The following NARS1 variants were observed in gnomAD, a reference collection of about 807,000 sequenced individuals.
NARS1 encodes asparaginyl-tRNA synthetase 1.
Under a neutral mutation model 79.2 loss-of-function variants are expected in NARS1, and 65 were observed. The observed-to-expected ratio is 0.82, with a 90% CI of 0.67 to 1.01. The LOEUF is 1.01. Among genes scored for constraint, NARS1 ranks in the 50% least tolerant of loss-of-function variants. The pLI is 0.00. For missense variants in NARS1, 649 were observed against 673.8 expected, an observed-to-expected ratio of 0.96 and a Z score of 0.41; for synonymous variants, 229 against 238.8, an observed-to-expected ratio of 0.96 and a Z score of 0.38.
intron 11 of NARS1, 110 bp downstream of exon 11, chr18:57,605,747 C>A: frequency 1.4e-6 from 1 of 713,614 alleles, no homozygotes; most frequent in Non-Finnish European, 2.4e-6. Flanking sequence ...CTGCTGTTAC[C>A]ATTTATTTGA....
At chr18:57,617,572 C>CA (rs59412339) in intron 2 of NARS1, among the ~76,000 whole-genome samples, 29 of 66,574 alleles carry the variant, frequency 4.4e-4, no homozygotes, top group African/African-American at 1.2e-3. Flanking sequence ...GACTCCGTCT[C>CA]AAAAAAAAAA....
At chr18:57,616,675 C>T (rs942392304) in intron 2 of NARS1, among the ~76,000 whole-genome samples, 5 of 150,502 alleles carry the variant, frequency 3.3e-5, no homozygotes, top group Admixed American at 6.6e-5. Context: ...AAGTGTCAGA[C>T]ATTTTTGAAA....
chr18:57,605,412 T>C (rs893811373), intron 11 of NARS1, among the ~76,000 whole-genome samples: 6 of 151,068 alleles, frequency 4.0e-5, no homozygotes, highest in African/African-American at 1.5e-4. Context: ...ATCGAGACCA[T>C]CCTGGCCAAC....
At chr18:57,606,523 C>A in intron 10 of NARS1, 93 bp downstream of exon 10, 2 of 1,267,156 alleles carry the variant, frequency 1.6e-6, no homozygotes, top group East Asian at 2.4e-5. Flanking sequence ...TTCAGCTCAC[C>A]AAGCCATCAA....
chr18:57,607,842 A>G (rs569092856), intron 7 of NARS1, among the ~76,000 whole-genome samples, 177 bp from the exon 8 acceptor site: 1 of 128,492 alleles, frequency 7.8e-6, no homozygotes, highest in South Asian at 2.5e-4. Flanking sequence ...TTTCTGGATA[A>G]ATACACACTC....
chr18:57,616,480 CACAA>C (rs1908035131), intron 2 of NARS1, among the ~76,000 whole-genome samples: 1 of 151,590 alleles, frequency 6.6e-6, no homozygotes, highest in Admixed American at 6.6e-5. Flanking sequence ...GAGGTCCTCT[CACAA>C]ACAATTACAG....
chr18:57,611,719 G>A lies in NARS1; in HGVS notation c.422-12C>T, dbSNP rs775159799. The A allele has an allele frequency of 2.0e-6, 3 of 1,531,872 alleles. No individual in the cohort carries two copies. Among genetic ancestry groups the A allele is most frequent in the East Asian group, 2.3e-5 (1 of 42,886 alleles). The allele number at this position is 1,531,872 out of a possible 1,614,324, so 94.9% of individuals were successfully genotyped here. On this transcript the variant is annotated splice_polypyrimidine_tract_variant and intron_variant, in intron 5 of 13. Coordinates refer to ENST00000256854, the MANE Select transcript of NARS1 (RefSeq NM_004539.4). ...CATTAAATTCTTTCCTAAAAAATGA[G>A]AAATAATAATTTAGGCAGACTGTTC...
chr18:57,619,320 T>C (rs1471406288), intron 2 of NARS1, among the ~76,000 whole-genome samples: 1 of 149,150 alleles, frequency 6.7e-6, no homozygotes, highest in Admixed American at 6.7e-5. Flanking sequence ...CTCACTCCTA[T>C]AAACCCAGCA....
chr18:57,607,371 G>A lies in NARS1; in HGVS notation c.802-38C>T, dbSNP rs376446835. 9.9e-6 allele frequency: 16 copies of A among 1,609,560 alleles called. No individual in the cohort carries two copies. In the East Asian group the frequency reaches 1.6e-4, roughly 16 times the overall value. ...AAAGAAGGAATAAATCAATGCTATCGTGAGCACCACTATTCAAGTTTCAAA... is the reference window on the plus strand; with the variant it reads ...AAAGAAGGAATAAATCAATGCTATCATGAGCACCACTATTCAAGTTTCAAA... On this transcript the variant is annotated intron_variant, in intron 8 of 13. Coordinates refer to ENST00000256854, the MANE Select transcript of NARS1 (RefSeq NM_004539.4).
rs180838270 is a variant in NARS1 at position 57,620,587 on chromosome 18, T to G, written c.75A>C (p.Pro25=). 15 of 1,612,926 alleles carry G rather than the reference T, an allele frequency of 9.3e-6. No individual in the cohort carries two copies. In the Admixed American group the frequency reaches 2.5e-4, roughly 27 times the overall value. The change falls in exon 2 of 14, where the codon CCA becomes CCC. Residue 25 remains proline (P), a synonymous_variant. Coordinates refer to ENST00000256854, the MANE Select transcript of NARS1 (RefSeq NM_004539.4). ...ACTCTACCTTTAGACCTGTTTTAAATGGTTTCTCCTTGGTTCCATCTCCCG... is the reference window on the plus strand; with the variant it reads ...ACTCTACCTTTAGACCTGTTTTAAAGGGTTTCTCCTTGGTTCCATCTCCCG... ...DATGDGTKEK[P]FKTGLKALMT... is the part of the protein sequence containing the mutation.
intron 9 of NARS1, 82 bp downstream of exon 9, chr18:57,607,052 A>T: frequency 7.1e-7 from 1 of 1,406,536 alleles, no homozygotes. Context: ...TTTTTAAAAC[A>T]TAAACATAAT....
intron 11 of NARS1, among the ~76,000 whole-genome samples, chr18:57,603,511 T>C (rs1288851868): frequency 1.3e-5 from 2 of 152,216 alleles, no homozygotes; most frequent in South Asian, 2.1e-4. Context: ...AACTGGTAAG[T>C]GTAAGCACAC....
chr18:57,605,079 A>AG (rs1277973895), intron 11 of NARS1, among the ~76,000 whole-genome samples: 6 of 147,316 alleles, frequency 4.1e-5, no homozygotes, highest in African/African-American at 7.5e-5. Flanking sequence ...GTTTTGGGGG[A>AG]GGGGATGAAC....
chr18:57,608,449 A>AAC (rs2051579732), intron 7 of NARS1, among the ~76,000 whole-genome samples: 1 of 150,962 alleles, frequency 6.6e-6, no homozygotes, highest in South Asian at 2.1e-4. Context: ...AAAAAAAAAA[A>AAC]AAAAAAAAAC....
intron 4 of NARS1, 24 bp from the exon 5 acceptor site, chr18:57,613,704 T>C: frequency 3.2e-6 from 5 of 1,586,390 alleles, no homozygotes; most frequent in Non-Finnish European, 4.3e-6. Flanking sequence ...ATAAACAACA[T>C]TTGTTCAATA....
Position 57,620,564 on chromosome 18 carries a change from T to TTTCC in NARS1, c.93+4_93+5insGGAA. Reference sequence around the variant, plus strand: ...TCTCATTTTCCTAATGAGAAGAGACTCTACCTTTAGACCTGTTTTAAATGG... The same window carrying TTTCC: ...TCTCATTTTCCTAATGAGAAGAGACTTTCCCTACCTTTAGACCTGTTTTAAATGG... On this transcript the variant is annotated splice_donor_region_variant and intron_variant, in intron 2 of 13. Coordinates refer to ENST00000256854, the MANE Select transcript of NARS1 (RefSeq NM_004539.4). 1 of 1,598,520 alleles carries TTTCC rather than the reference T, an allele frequency of 6.3e-7. No homozygotes were observed. The highest frequency in any genetic ancestry group is 8.6e-7 in the Non-Finnish European group (1 of 1,168,788).
intron 4 of NARS1, among the ~76,000 whole-genome samples, chr18:57,615,295 G>A (rs944066445): frequency 6.6e-6 from 1 of 152,204 alleles, no homozygotes; most frequent in African/African-American, 2.4e-5. Context: ...GAGATCGGGA[G>A]ATCAAGACCA....
chr18:57,614,669 T>C (rs1018735834), intron 4 of NARS1, among the ~76,000 whole-genome samples: 3 of 152,184 alleles, frequency 2.0e-5, no homozygotes, highest in African/African-American at 7.2e-5. Context: ...AATCATAGAT[T>C]TCAACCTCTT....
chr18:57,606,528 C>T, intron 10 of NARS1, 88 bp downstream of exon 10: 1 of 1,315,432 alleles, frequency 7.6e-7, no homozygotes, highest in Non-Finnish European at 1.1e-6. Flanking sequence ...CTCACCAAGC[C>T]ATCAAATCTA....
Sources: gnomAD v4.1 joint callset for allele counts (sites outside exome capture counted in the v4.1 genomes callset) on GRCh38, gnomAD v4.1.1 for gene constraint, MANE v1.5 for transcripts, NCBI Gene and HGNC (gene_info 2026-07-23, HGNC 2026-07-21) for gene names.